VPS37A: variants seen among roughly 807,000 people sequenced by gnomAD.
The protein encoded by VPS37A is VPS37A subunit of ESCRT-I.
In VPS37A, 30 loss-of-function variants were observed where a neutral mutation model predicts 49.8. The observed-to-expected ratio is 0.60, with a 90% CI of 0.45 to 0.82. The LOEUF (loss-of-function observed/expected upper bound fraction) is 0.82, where lower values mean the gene tolerates loss of function less well. Among genes scored for constraint, VPS37A ranks in the 40% least tolerant of loss-of-function variants. The probability of loss-of-function intolerance (pLI) is 0.00; values close to 1 mark genes in which losing one functional copy is unlikely to be tolerated. For synonymous variants in VPS37A, 195 were observed against 160.6 expected, an observed-to-expected ratio of 1.21 and a Z score of -1.62; for missense variants, 593 against 464.4, an observed-to-expected ratio of 1.28 and a Z score of -2.55.
At chr8:17,283,867 C>A (rs938158668) in intron 9 of VPS37A, among the ~76,000 whole-genome samples, 1 of 152,156 alleles carries the variant, frequency 6.6e-6, no homozygotes, top group African/African-American at 2.4e-5. Context: ...GCAAAAAATG[C>A]CCTTGAGATT....
intron 1 of VPS37A, among the ~76,000 whole-genome samples, chr8:17,262,934 A>C (rs940405762): frequency 6.6e-6 from 1 of 151,750 alleles, no homozygotes; most frequent in African/African-American, 2.4e-5. Flanking sequence ...GGTGGTGTGC[A>C]CCTGTAGTCC....
chr8:17,285,962 T>G (rs1475367153), intron 10 of VPS37A, among the ~76,000 whole-genome samples: 7 of 152,214 alleles, frequency 4.6e-5, no homozygotes, highest in Admixed American at 2.0e-4. Context: ...TTAGCTATCT[T>G]CAACATTCAA....
At chr8:17,266,226 G>GTTT (rs1421194992) in intron 2 of VPS37A, among the ~76,000 whole-genome samples, 1 of 152,138 alleles carries the variant, frequency 6.6e-6, no homozygotes. Flanking sequence ...TACTGTAATT[G>GTTT]TTTTTATTGA....
chr8:17,251,468 C>T (rs568401811), intron 1 of VPS37A, among the ~76,000 whole-genome samples: 3 of 152,300 alleles, frequency 2.0e-5, no homozygotes, highest in South Asian at 2.1e-4. Flanking sequence ...GAATTACATT[C>T]CTTCTTTCTA....
the VPS37A span, among the ~76,000 whole-genome samples, chr8:17,331,638 T>C: frequency 6.6e-6 from 1 of 152,218 alleles, no homozygotes; most frequent in African/African-American, 2.4e-5. Context: ...ACATAACCGG[T>C]AGGTTGGCAG....
intron 10 of VPS37A, 104 bp downstream of exon 10, chr8:17,284,720 T>G: frequency 7.6e-7 from 1 of 1,322,668 alleles, no homozygotes; most frequent in South Asian, 1.5e-5. Context: ...TATGATATCA[T>G]CCCCCTTTTT....
At chr8:17,268,499 ATATT>A (rs1314513709) in intron 3 of VPS37A, 127 bp downstream of exon 3, 1 of 692,208 alleles carries the variant, frequency 1.4e-6, no homozygotes, top group Non-Finnish European at 2.3e-6. Flanking sequence ...TAAAAATTGA[ATATT>A]TAAGACTACG....
downstream of VPS37A, chr8:17,305,982 T>G (rs779636235): frequency 1.3e-6 from 2 of 1,554,964 alleles, no homozygotes; most frequent in Non-Finnish European, 1.8e-6. Flanking sequence ...ATTAGAGACT[T>G]TTTAAGGCAG....
At chr8:17,293,420 A>C (rs1409475350) in intron 11 of VPS37A, among the ~76,000 whole-genome samples, 1 of 151,942 alleles carries the variant, frequency 6.6e-6, no homozygotes, top group East Asian at 1.9e-4. Context: ...CTTTAGCTCT[A>C]AGGAGTTTAT....
At chr8:17,299,995 AGATCTG>A (rs1316847668), downstream of VPS37A, 3 of 1,614,158 alleles carry the variant, frequency 1.9e-6, no homozygotes, top group Non-Finnish European at 2.5e-6. Flanking sequence ...GTTGGCTGAC[AGATCTG>A]GATCTGAACT....
chr8:17,255,722 G>A (rs145784115), intron 1 of VPS37A, among the ~76,000 whole-genome samples: 6 of 151,962 alleles, frequency 3.9e-5, no homozygotes, highest in Admixed American at 3.3e-4. Context: ...ACCCTTCCTA[G>A]TGTCTGGAAC....
At chr8:17,275,651 T>A (rs1814447730) in intron 5 of VPS37A, among the ~76,000 whole-genome samples, 1 of 152,210 alleles carries the variant, frequency 6.6e-6, no homozygotes, top group Non-Finnish European at 1.5e-5. Flanking sequence ...TGGTAACTGT[T>A]GCTATGTGGA....
chr8:17,264,937 T>C (rs113813695), intron 1 of VPS37A, among the ~76,000 whole-genome samples: 4,201 of 152,282 alleles, frequency 0.028, 206 homozygotes, highest in African/African-American at 0.096. Flanking sequence ...AACAAACTTA[T>C]GAATGTAGAA....
chr8:17,304,768 T>TGTGTGTGTGTGTGTGTGTGTGTGTG (rs1563315402), downstream of VPS37A, among the ~76,000 whole-genome samples: 5 of 147,508 alleles, frequency 3.4e-5, no homozygotes, highest in South Asian at 2.2e-4. Context: ...TGTGTGTGTG[T>TGTGTGTGTGTGTGTGTGTGTGTGTG]TAAGCTGTTC....
At chr8:17,286,543 C>G (rs1815607645) in intron 11 of VPS37A, 116 bp downstream of exon 11, 1 of 808,028 alleles carries the variant, frequency 1.2e-6, no homozygotes, top group East Asian at 2.7e-5. Flanking sequence ...ATTATAGTTA[C>G]TGTGCTATGT....
At chr8:17,283,892 A>G (rs1313217608) in intron 9 of VPS37A, among the ~76,000 whole-genome samples, 1 of 152,176 alleles carries the variant, frequency 6.6e-6, no homozygotes, top group African/African-American at 2.4e-5. Context: ...TAGGGATTGC[A>G]TTGAGTCTAT....
At chr8:17,281,129 C>T (rs1020121849) in intron 9 of VPS37A, among the ~76,000 whole-genome samples, 3 of 151,856 alleles carry the variant, frequency 2.0e-5, no homozygotes, top group Non-Finnish European at 4.4e-5. Context: ...ATAATACGGT[C>T]ATTTGTCAGA....
chr8:17,276,260 A>T (rs748561938), intron 5 of VPS37A, 137 bp from the exon 6 acceptor site: 6 of 648,140 alleles, frequency 9.3e-6, no homozygotes, highest in East Asian at 5.9e-5. Context: ...AGACTAAGGC[A>T]GTGTGAGATG....
intron 1 of VPS37A, among the ~76,000 whole-genome samples, chr8:17,255,633 C>G (rs1387165707): frequency 6.6e-6 from 1 of 152,186 alleles, no homozygotes; most frequent in Non-Finnish European, 1.5e-5. Flanking sequence ...TACATGATAG[C>G]TGTACAAACA....
Sources: gnomAD v4.1 joint callset for allele counts (sites outside exome capture counted in the v4.1 genomes callset) on GRCh38, gnomAD v4.1.1 for gene constraint, MANE v1.5 for transcripts, NCBI Gene and HGNC (gene_info 2026-07-23, HGNC 2026-07-21) for gene names.